The following C1orf87 variants were observed in gnomAD, a reference collection of about 807,000 sequenced individuals.
C1orf87 encodes the protein uncharacterized protein C1orf87.
Under a neutral mutation model 60.5 loss-of-function variants are expected in C1orf87, and 58 were observed. The observed-to-expected ratio is 0.96, with a 90% confidence interval of 0.78 to 1.19. The LOEUF is 1.19. Ranked by LOEUF, C1orf87 falls within the 50% of genes most tolerant of loss-of-function variation. C1orf87 has a pLI of 0.00. For missense variants in C1orf87, 673 were observed against 638.6 expected (o/e 1.05, Z -0.58); for synonymous variants, 236 against 227.4 (o/e 1.04, Z -0.34).
At chr1:60,056,847 A>T (rs1645460532) in intron 2 of C1orf87, among the ~76,000 whole-genome samples, 2 of 152,226 alleles carry the variant, frequency 1.3e-5, no homozygotes, top group South Asian at 4.1e-4. Context: ...GCTGTTATTT[A>T]TAGATACAGT....
At chr1:60,035,537 C>T (rs1421737880) in intron 6 of C1orf87, among the ~76,000 whole-genome samples, 1 of 152,198 alleles carries the variant, frequency 6.6e-6, no homozygotes, top group Non-Finnish European at 1.5e-5. Context: ...AGAGGATTTT[C>T]CTGATCCATA....
chr1:60,011,052 A>G lies in C1orf87; in HGVS notation c.1128-596T>C, dbSNP rs375527694. 5.9e-5 allele frequency: 9 copies of G among 152,116 alleles called. No individual in the cohort carries two copies. The East Asian group carries it at 1.7e-3, about 29-fold the overall frequency. 9.4% of individuals were successfully genotyped at this position (152,116 alleles called of 1,614,324 possible). ...TTCAGAAAGGTTCTTTCTAGCCTTC[A>G]CAAGTATGGAAAGCATTACAACAGA... On this transcript the variant is annotated intron_variant, in intron 8 of 11. Transcript: ENST00000371201.
At chr1:60,056,609 G>A (rs909085901) in intron 2 of C1orf87, among the ~76,000 whole-genome samples, 2 of 152,266 alleles carry the variant, frequency 1.3e-5, no homozygotes, top group East Asian at 1.9e-4. Flanking sequence ...TGTATATAAC[G>A]TGTGTGCCTA....
chr1:60,008,119 C>G (rs1312822743), intron 9 of C1orf87, among the ~76,000 whole-genome samples: 1 of 151,964 alleles, frequency 6.6e-6, no homozygotes, highest in African/African-American at 2.4e-5. Context: ...AAGCAGTGAG[C>G]TATCACAACA....
intron 2 of C1orf87, among the ~76,000 whole-genome samples, chr1:60,064,349 ATGT>A (rs1645520618): frequency 7.0e-6 from 1 of 142,610 alleles, no homozygotes; most frequent in African/African-American, 2.6e-5. Context: ...TATGTAATAT[ATGT>A]AATATATAAT....
intron 6 of C1orf87, among the ~76,000 whole-genome samples, chr1:60,037,635 T>TA (rs1287799311): frequency 6.6e-6 from 1 of 152,222 alleles, no homozygotes; most frequent in Admixed American, 6.5e-5. Context: ...CGCCTCCTAT[T>TA]AGGTCCCATC....
intron 2 of C1orf87, among the ~76,000 whole-genome samples, chr1:60,060,832 A>T (rs1645491755): frequency 6.6e-6 from 1 of 152,218 alleles, no homozygotes; most frequent in South Asian, 2.1e-4. Context: ...AGAGCTTTAC[A>T]GACAGTGCAG....
intron 11 of C1orf87, among the ~76,000 whole-genome samples, chr1:59,995,427 T>C (rs1242622149): frequency 6.6e-6 from 1 of 152,204 alleles, no homozygotes; most frequent in African/African-American, 2.4e-5. Context: ...GGGTAAAGAA[T>C]GAAGCCTCAT....
chr1:60,007,584 C>T (rs1645055478), intron 9 of C1orf87, among the ~76,000 whole-genome samples: 1 of 152,024 alleles, frequency 6.6e-6, no homozygotes, highest in Non-Finnish European at 1.5e-5. Flanking sequence ...TCACAGAGAG[C>T]TTTTCTCCCC....
Position 60,073,257 on chromosome 1 carries a change from C to G in C1orf87, c.-28+433G>C, listed in dbSNP as rs574815420. Among the ~76,000 whole-genome samples, 29 of 152,250 alleles carry G rather than the reference C, an allele frequency of 1.9e-4. No homozygotes were observed. In the East Asian group the frequency reaches 1.9e-3, roughly 10 times the overall value. ...AATACAATGAATCTGAAATTGAACT[C>G]CTGCACAAGGTGTTTAAACAGAGTG... On this transcript the variant is annotated intron_variant, in intron 1 of 11. Transcript: ENST00000371201.
chr1:60,001,697 G>T (rs1645006598), intron 9 of C1orf87, among the ~76,000 whole-genome samples: 1 of 152,036 alleles, frequency 6.6e-6, no homozygotes, highest in Non-Finnish European at 1.5e-5. Flanking sequence ...GTCTTCCTGT[G>T]GTCCTGCCTC....
intron 7 of C1orf87, among the ~76,000 whole-genome samples, chr1:60,029,197 G>C (rs1645219391): frequency 1.3e-5 from 2 of 152,028 alleles, no homozygotes; most frequent in Admixed American, 1.3e-4. Context: ...TTTCTCCTAA[G>C]TCAGGGCCCA....
intron 2 of C1orf87, among the ~76,000 whole-genome samples, chr1:60,071,918 C>A (rs1225105921): frequency 6.6e-6 from 1 of 152,072 alleles, no homozygotes; most frequent in African/African-American, 2.4e-5. Context: ...GATCTAGTAC[C>A]TTCCCTCCTT....
At chr1:60,002,093 G>T (rs964674472) in intron 9 of C1orf87, among the ~76,000 whole-genome samples, 2 of 152,036 alleles carry the variant, frequency 1.3e-5, no homozygotes, top group African/African-American at 4.8e-5. Context: ...ATTAATCAGT[G>T]CATAATTCAG....
intron 2 of C1orf87, among the ~76,000 whole-genome samples, chr1:60,067,582 T>TTA (rs1645556686): frequency 7.2e-6 from 1 of 139,374 alleles, no homozygotes; most frequent in African/African-American, 2.6e-5. Context: ...TTTTTTTTTT[T>TTA]GGTAAATTTA....
intron 1 of C1orf87, among the ~76,000 whole-genome samples, chr1:60,073,130 C>T (rs770044607): frequency 6.6e-6 from 1 of 152,196 alleles, no homozygotes; most frequent in Non-Finnish European, 1.5e-5. Context: ...TAGGTCTGTT[C>T]TCAGGGACTT....
At chr1:60,062,940 A>G (rs1360812240) in intron 2 of C1orf87, among the ~76,000 whole-genome samples, 2 of 152,152 alleles carry the variant, frequency 1.3e-5, no homozygotes, top group East Asian at 3.8e-4. Flanking sequence ...TATGACCAGA[A>G]CAACAGTATA....
chr1:60,022,209 A>C (rs531233048), intron 8 of C1orf87, among the ~76,000 whole-genome samples: 1 of 151,908 alleles, frequency 6.6e-6, no homozygotes, highest in South Asian at 2.1e-4. Context: ...TTAATAGACA[A>C]CAATAGCTGT....
intron 2 of C1orf87, among the ~76,000 whole-genome samples, chr1:60,057,137 G>A (rs1645462767): frequency 6.6e-6 from 1 of 152,184 alleles, no homozygotes; most frequent in Admixed American, 6.5e-5. Context: ...AGGGAAATCA[G>A]GAGACTAGAA....
Sources: allele counts gnomAD v4.1 joint callset (sites outside exome capture counted in the v4.1 genomes callset), GRCh38; gene constraint gnomAD v4.1.1; transcripts MANE v1.5; gene names NCBI Gene and HGNC (gene_info 2026-07-23, HGNC 2026-07-21).